UPF2: variants seen among roughly 807,000 people sequenced by gnomAD.
The protein encoded by UPF2 is UPF2 regulator of nonsense mediated mRNA decay.
Under a neutral mutation model 141.4 loss-of-function variants are expected in UPF2, and 17 were observed. That is an observed-to-expected ratio of 0.12 (90% CI 0.08 to 0.18). The LOEUF (loss-of-function observed/expected upper bound fraction) is 0.18. Ranked by LOEUF, UPF2 falls within the 10% of genes least tolerant of loss-of-function variation. The pLI is 1.00. For missense variants in UPF2, 1,152 were observed against 1,515.9 expected (o/e 0.76, Z 3.99); for synonymous variants, 540 against 498.0 (o/e 1.08, Z -1.12).
At chr10:11,957,068 C>A (rs1319450807) in intron 12 of UPF2, among the ~76,000 whole-genome samples, 1 of 152,164 alleles carries the variant, frequency 6.6e-6, no homozygotes, top group Non-Finnish European at 1.5e-5. Context: ...AATCCCTGTG[C>A]CTTGGCCTCC....
At chr10:12,007,918 T>C (rs1177600154) in intron 4 of UPF2, among the ~76,000 whole-genome samples, 2 of 150,102 alleles carry the variant, frequency 1.3e-5, no homozygotes, top group Non-Finnish European at 3.0e-5. Context: ...TGACATGGAG[T>C]CTCGCTCTGT....
Position 11,920,520 on chromosome 10 carries a change from T to C in UPF2, c.*778A>G, listed in dbSNP as rs1049218546. The C allele has an allele frequency of 6.5e-6, 1 of 153,824 alleles. No homozygotes were observed. Among genetic ancestry groups the C allele is most frequent in the South Asian group, 2.0e-4 (1 of 4,920 alleles). 9.5% of individuals were successfully genotyped at this position (153,824 alleles called of 1,614,324 possible). ...GACGGGCATGTTTTGTTTTCAATGA[T>C]ACTTACAATGGGCTCACCTAGATCC... On this transcript the variant is annotated 3_prime_UTR_variant, in exon 22 of 22. Coordinates refer to ENST00000357604, the MANE Select transcript of UPF2 (RefSeq NM_015542.4).
intron 8 of UPF2, among the ~76,000 whole-genome samples, chr10:11,988,413 C>A (rs1588555216): frequency 6.6e-6 from 1 of 152,172 alleles, no homozygotes; most frequent in Non-Finnish European, 1.5e-5. Context: ...CTGGGCTCAA[C>A]TGATCCTCCC....
At chr10:12,029,815 A>G (rs1243046074) in intron 2 of UPF2, among the ~76,000 whole-genome samples, 1 of 152,092 alleles carries the variant, frequency 6.6e-6, no homozygotes, top group African/African-American at 2.4e-5. Flanking sequence ...TACAAAAATT[A>G]GCTGGGCGTG....
At position 11,927,412 on chromosome 10, in the gene UPF2, G is replaced by T. The variant is rs117037564; in HGVS notation, c.3809+2453C>A. 1.1e-4 allele frequency among the ~76,000 whole-genome samples: 17 copies of T among 152,254 alleles called. No homozygotes were observed. The East Asian group carries it at 3.3e-3, about 29-fold the overall frequency. On this transcript the variant is annotated intron_variant, in intron 21 of 21. Transcript: ENST00000357604. ...CCCATTACTTTTATTGGCAAAAACC[G>T]CATTACTTTTTACCAACCGAAATAC...
At chr10:11,972,290 A>T (rs1833431872) in intron 9 of UPF2, among the ~76,000 whole-genome samples, 2 of 152,302 alleles carry the variant, frequency 1.3e-5, no homozygotes, top group South Asian at 4.1e-4. Context: ...TTATTCACTC[A>T]TCAAACTTTT....
In UPF2 at chr10:11,998,258, T is replaced by G. The variant is rs897763027; in HGVS notation, c.1759-501A>C. ...TCTTCACAAGTGCAGGAAATGGCGCTCTCTCTCTCTCTCCAAGATGCCTTA... is the reference window on the plus strand; with the variant it reads ...TCTTCACAAGTGCAGGAAATGGCGCGCTCTCTCTCTCTCCAAGATGCCTTA... On this transcript the variant is annotated intron_variant, in intron 7 of 21. Coordinates refer to ENST00000357604, the MANE Select transcript of UPF2 (RefSeq NM_015542.4). This position sits in a 1 kb window ranked among gnomAD's most constrained non-coding sequence, Gnocchi z 4.5. Among the ~76,000 whole-genome samples, 8 of 151,806 alleles carry G rather than the reference T, an allele frequency of 5.3e-5. No homozygotes were observed. The highest frequency in any genetic ancestry group is 1.2e-4 in the African/African-American group (5 of 41,346).
intron 2 of UPF2, among the ~76,000 whole-genome samples, chr10:12,029,957 CA>C (rs113204207): frequency 9.0e-4 from 64 of 71,190 alleles, no homozygotes; most frequent in African/African-American, 1.4e-3. Context: ...GACTCCGTCT[CA>C]AAAAAAAAAA....
chr10:11,951,539 A>G (rs1833074977), intron 15 of UPF2, among the ~76,000 whole-genome samples: 1 of 152,180 alleles, frequency 6.6e-6, no homozygotes. Context: ...TCAGGATACT[A>G]AAGTATATAG....
rs1182236196 is a variant in UPF2, at chr10:11,936,580, A to C, written c.3511T>G (p.Phe1171Val). The change falls in exon 19 of 22, where the codon TTT becomes GTT. Residue 1171 changes from phenylalanine to valine, a missense_variant. Coordinates refer to ENST00000357604, the MANE Select transcript of UPF2 (RefSeq NM_015542.4). This position sits in a 1 kb window ranked among gnomAD's most constrained non-coding sequence, Gnocchi z 6.6. ...TTGCCTTTTCTTGTTAACATGACAA[A>C]CGGCATTGTGTCTGCAGACTCAGCC... ...GEAESADTMP[F>V]VMLTRKGNKQ... 1 of 1,608,828 alleles carries C rather than the reference A, an allele frequency of 6.2e-7. No individual in the cohort carries two copies. The highest frequency in any genetic ancestry group is 1.7e-5 in the Admixed American group (1 of 58,706).
intron 21 of UPF2, among the ~76,000 whole-genome samples, chr10:11,924,962 G>A (rs1404347448): frequency 6.6e-6 from 1 of 152,038 alleles, no homozygotes; most frequent in Non-Finnish European, 1.5e-5. Flanking sequence ...GGGATTATAG[G>A]TGCCCGCCAC....
intron 18 of UPF2, among the ~76,000 whole-genome samples, chr10:11,938,853 G>GTTTTTTTTTTGTTTTTTTTTTTT (rs1832890354): frequency 1.3e-5 from 1 of 79,816 alleles, no homozygotes; most frequent in African/African-American, 5.0e-5. Flanking sequence ...TTTTTTTTTT[G>GTTTTTTTTTTGTTTTTTTTTTTT]TTTTTTTTTT....
intron 2 of UPF2, 60 bp downstream of exon 2, chr10:12,034,999 T>TC: frequency 6.6e-7 from 1 of 1,506,234 alleles, no homozygotes; most frequent in African/African-American, 1.4e-5. Flanking sequence ...AATGTTTTTT[T>TC]CCCAAAATAT....
chr10:11,960,907 C>T (rs923158919), intron 11 of UPF2, among the ~76,000 whole-genome samples: 1 of 151,838 alleles, frequency 6.6e-6, no homozygotes, highest in Non-Finnish European at 1.5e-5. Flanking sequence ...GTCCTAGCAA[C>T]GTAGTGAGAC....
At chr10:12,036,679 G>A (rs1399340189) in intron 1 of UPF2, among the ~76,000 whole-genome samples, 1 of 152,066 alleles carries the variant, frequency 6.6e-6, no homozygotes, top group African/African-American at 2.4e-5. Context: ...ATTTCTTTTA[G>A]GCATGGTGTT....
At chr10:12,036,932 G>A (rs1212910602) in intron 1 of UPF2, among the ~76,000 whole-genome samples, 1 of 152,158 alleles carries the variant, frequency 6.6e-6, no homozygotes, top group Non-Finnish European at 1.5e-5. Flanking sequence ...GGCTGAGGCA[G>A]GAGAATGGCT....
At chr10:11,976,981 C>T (rs184251975) in intron 9 of UPF2, among the ~76,000 whole-genome samples, 49 of 152,248 alleles carry the variant, frequency 3.2e-4, no homozygotes, top group African/African-American at 1.2e-3. Flanking sequence ...GCCAAAGTTA[C>T]GATGCTAGCA....
chr10:12,035,316 C>A lies in UPF2; in HGVS notation c.108G>T (p.Arg36Ser), dbSNP rs1476734459. 6.2e-7 allele frequency: 1 copy of A among 1,613,972 alleles called. No individual in the cohort carries two copies. The highest frequency in any genetic ancestry group is 8.5e-7 in the Non-Finnish European group (1 of 1,180,014). ...CAGTGAGCTTGATATCGTCTTTTGGCCTCTCCTTGCTGCTCACTGTCCGCC... is the reference window on the plus strand; with the variant it reads ...CAGTGAGCTTGATATCGTCTTTTGGACTCTCCTTGCTGCTCACTGTCCGCC... ...SERRTVSSKE[R>S]PKDDIKLTAK... The change falls in exon 2 of 22, where the codon AGG becomes AGT. Residue 36 changes from arginine (R) to serine (S), a missense_variant. Physicochemically the swap from Arg to Ser is moderately radical, Grantham distance 110. Coordinates refer to ENST00000357604, the MANE Select transcript of UPF2 (RefSeq NM_015542.4).
At chr10:11,957,964 G>A (rs930239940) in intron 12 of UPF2, among the ~76,000 whole-genome samples, 1 of 152,032 alleles carries the variant, frequency 6.6e-6, no homozygotes, top group Non-Finnish European at 1.5e-5. Context: ...TAAAACGGGG[G>A]ATAACAAAAA....
Sources: allele counts gnomAD v4.1 joint callset (sites outside exome capture counted in the v4.1 genomes callset), GRCh38; gene constraint gnomAD v4.1.1; non-coding constraint Gnocchi (gnomAD v3.1); transcripts MANE v1.5; gene names NCBI Gene and HGNC (gene_info 2026-07-23, HGNC 2026-07-21).